Variants in ANTXR2 observed in about 807,000 individuals in gnomAD.
ANTXR2 encodes anthrax toxin receptor 2.
ANTXR2 carries 44 observed loss-of-function variants against 73.7 expected under a neutral mutation model. The ratio of observed to expected loss-of-function variants is 0.60; its 90% confidence interval spans 0.47 to 0.77. The LOEUF is 0.77. Ranked by LOEUF, ANTXR2 falls within the 30% of genes least tolerant of loss-of-function variation. The pLI, the probability that ANTXR2 is intolerant of heterozygous loss-of-function variation, is 0.00. For synonymous variants in ANTXR2, 217 were observed against 205.9 expected, an observed-to-expected ratio of 1.05 and a Z score of -0.46; for missense variants, 604 against 592.5, an observed-to-expected ratio of 1.02 and a Z score of -0.20.
chr4:80,014,186 C>T (rs573948120), intron 11 of ANTXR2, among the ~76,000 whole-genome samples: 1 of 152,158 alleles, frequency 6.6e-6, no homozygotes, highest in Admixed American at 6.5e-5. Context: ...TTACCTATTT[C>T]TTCTGCTTGA....
chr4:79,909,726 G>A (rs1300382589), intron 16 of ANTXR2, among the ~76,000 whole-genome samples: 1 of 151,834 alleles, frequency 6.6e-6, no homozygotes, highest in Admixed American at 6.6e-5. Flanking sequence ...ACAAAAACAA[G>A]CAAATGCTCT....
intron 16 of ANTXR2, among the ~76,000 whole-genome samples, chr4:79,924,950 T>C (rs146638542): frequency 2.6e-4 from 40 of 152,290 alleles, no homozygotes; most frequent in African/African-American, 9.1e-4. Flanking sequence ...AAAAGCTATA[T>C]GAGATGACAA....
chr4:80,049,385 T>C (rs1733672314), intron 7 of ANTXR2, among the ~76,000 whole-genome samples: 1 of 151,738 alleles, frequency 6.6e-6, no homozygotes, highest in Non-Finnish European at 1.5e-5. Flanking sequence ...GCAATCACCT[T>C]CCCAAGAACA....
At chr4:79,915,371 T>A (rs1430947984) in intron 16 of ANTXR2, among the ~76,000 whole-genome samples, 1 of 152,120 alleles carries the variant, frequency 6.6e-6, no homozygotes, top group Non-Finnish European at 1.5e-5. Flanking sequence ...TCCCATCTCT[T>A]GAGCATTAAA....
chr4:80,062,002 AG>A (rs1278504482), intron 3 of ANTXR2, among the ~76,000 whole-genome samples: 4 of 152,204 alleles, frequency 2.6e-5, no homozygotes, highest in Admixed American at 1.3e-4. Flanking sequence ...AATGAGTGAA[AG>A]ATTTTTTCTA....
intron 15 of ANTXR2, 91 bp from the exon 16 acceptor site, chr4:79,977,792 T>C: frequency 2.2e-6 from 3 of 1,345,566 alleles, no homozygotes; most frequent in Non-Finnish European, 3.0e-6. Flanking sequence ...GAAAGTAAAA[T>C]CTTCTTTACC....
intron 7 of ANTXR2, among the ~76,000 whole-genome samples, chr4:80,051,038 C>T (rs756445666): frequency 1.3e-5 from 2 of 151,640 alleles, no homozygotes; most frequent in Non-Finnish European, 3.0e-5. Context: ...AGCCAGTCAG[C>T]TCAGATAGTT....
chr4:79,986,864 T>G (rs975730428), intron 12 of ANTXR2, among the ~76,000 whole-genome samples: 3 of 152,212 alleles, frequency 2.0e-5, no homozygotes, highest in Non-Finnish European at 4.4e-5. Context: ...GGCATTAGCA[T>G]GAAGCTCAGG....
chr4:80,069,411 T>G (rs1324709435), intron 3 of ANTXR2, 25 bp downstream of exon 3: 1 of 1,531,304 alleles, frequency 6.5e-7, no homozygotes, highest in Admixed American at 1.8e-5. Flanking sequence ...ACTAAAAGCC[T>G]GCAGTGAAAT....
intron 16 of ANTXR2, among the ~76,000 whole-genome samples, chr4:79,953,479 A>G (rs1378316231): frequency 2.0e-5 from 3 of 152,168 alleles, no homozygotes; most frequent in African/African-American, 7.2e-5. Flanking sequence ...ATAAATTATG[A>G]CTGTGCCAAC....
At chr4:79,963,860 G>A (rs1729243949) in intron 16 of ANTXR2, among the ~76,000 whole-genome samples, 1 of 152,126 alleles carries the variant, frequency 6.6e-6, no homozygotes, top group South Asian at 2.1e-4. Context: ...CTGAATGTAG[G>A]TAGTAGAGGA....
At chr4:79,977,526 T>A (rs763650206) in intron 16 of ANTXR2, 95 bp downstream of exon 16, 3 of 1,519,198 alleles carry the variant, frequency 2.0e-6, no homozygotes, top group African/African-American at 1.4e-5. Flanking sequence ...TCAAGTGCAA[T>A]AGGGCTTTAA....
At chr4:80,063,627 CAGTT>C (rs1486456757) in intron 3 of ANTXR2, among the ~76,000 whole-genome samples, 3 of 151,970 alleles carry the variant, frequency 2.0e-5, no homozygotes, top group Non-Finnish European at 2.9e-5. Flanking sequence ...ACCATATAAA[CAGTT>C]AGGGATTTTG....
At chr4:79,912,619 TA>T (rs1474450397) in intron 16 of ANTXR2, among the ~76,000 whole-genome samples, 1 of 152,062 alleles carries the variant, frequency 6.6e-6, no homozygotes, top group Non-Finnish European at 1.5e-5. Flanking sequence ...AAGCAAAGTA[TA>T]TAAAAAATGG....
At chr4:80,020,698 C>G (rs746526187) in intron 10 of ANTXR2, among the ~76,000 whole-genome samples, 76 of 152,080 alleles carry the variant, frequency 5.0e-4, no homozygotes, top group Admixed American at 9.2e-4. Context: ...AATCAAAGTC[C>G]TTAATGTGTT....
chr4:80,067,146 C>T (rs1446333267), intron 3 of ANTXR2, among the ~76,000 whole-genome samples: 1 of 151,274 alleles, frequency 6.6e-6, no homozygotes, highest in African/African-American at 2.4e-5. Context: ...GTGGAGCTTG[C>T]AGTGAGCCAA....
chr4:79,991,149 A>G (rs571552683), intron 12 of ANTXR2, among the ~76,000 whole-genome samples: 2 of 152,162 alleles, frequency 1.3e-5, no homozygotes, highest in South Asian at 4.1e-4. Context: ...GAAACTGTCA[A>G]CAGAGTAAAC....
At chr4:80,031,322 C>A (rs1275176358) in intron 10 of ANTXR2, among the ~76,000 whole-genome samples, 1 of 151,754 alleles carries the variant, frequency 6.6e-6, no homozygotes, top group Non-Finnish European at 1.5e-5. Context: ...GTTTATGGCT[C>A]TGATTATTTA....
chr4:79,964,793 T>C (rs1729291208), intron 16 of ANTXR2: 1 of 152,010 alleles, frequency 6.6e-6, no homozygotes, highest in African/African-American at 2.4e-5. Context: ...TGCAAACAGA[T>C]GTCAGCGACA....
Sources: allele counts gnomAD v4.1 joint callset (sites outside exome capture counted in the v4.1 genomes callset), GRCh38; gene constraint gnomAD v4.1.1; transcripts MANE v1.5; gene names NCBI Gene and HGNC (gene_info 2026-07-23, HGNC 2026-07-21).